The following EFHC2 variants were observed in gnomAD, a reference collection of about 807,000 sequenced individuals.
EFHC2 encodes the protein EF-hand domain containing 2, also known as EF-hand domain-containing family member C2.
EFHC2 carries 18 observed loss-of-function variants against 52.7 expected under a neutral mutation model. That is an observed-to-expected ratio of 0.34 (90% CI 0.24 to 0.51). The LOEUF (loss-of-function observed/expected upper bound fraction) is 0.51, where lower values mean the gene tolerates loss of function less well. EFHC2 is among the 20% of genes least tolerant of loss of function. EFHC2 has a pLI of 0.97. For synonymous variants in EFHC2, 203 were observed against 204.1 expected (o/e 0.99, Z 0.04); for missense variants, 513 against 562.5 (o/e 0.91, Z 0.89).
Position 44,308,892 on chromosome X carries a change from C to T in EFHC2, c.231+3676G>A, listed in dbSNP as rs1444310624. ...GAAACCAAATAAATCAAGCTATTAT[C>T]GCCTTGTGAGTACAAACAATGTTTA... On this transcript the variant is annotated intron_variant, in intron 2 of 14. Coordinates refer to ENST00000420999, the MANE Select transcript of EFHC2 (RefSeq NM_025184.4). Among the ~76,000 whole-genome samples the T allele has an allele frequency of 3.4e-4, 38 of 112,698 alleles. No individual in the cohort carries two copies. The Admixed American group carries it at 3.6e-3, about 11-fold the overall frequency.
intron 4 of EFHC2, among the ~76,000 whole-genome samples, chrX:44,258,585 T>G (rs1351499720): frequency 9.0e-6 from 1 of 111,330 alleles, no homozygotes; most frequent in Non-Finnish European, 1.9e-5. Flanking sequence ...AGATACCATC[T>G]CACGCCAGTT....
intron 11 of EFHC2, among the ~76,000 whole-genome samples, chrX:44,212,536 G>A (rs1360135314): frequency 1.8e-5 from 2 of 109,670 alleles, no homozygotes; most frequent in Non-Finnish European, 3.8e-5. Context: ...CCAGACATCC[G>A]GTCCCATCTA....
At chrX:44,161,703 T>G (rs748419730) in intron 14 of EFHC2, among the ~76,000 whole-genome samples, 1 of 111,737 alleles carries the variant, frequency 8.9e-6, no homozygotes, top group East Asian at 2.8e-4. Context: ...ACAGTCAATA[T>G]AGACTACTAG....
chrX:44,220,415 C>A (rs756155874), intron 11 of EFHC2, among the ~76,000 whole-genome samples: 1 of 111,912 alleles, frequency 8.9e-6, no homozygotes, highest in African/African-American at 3.2e-5. Flanking sequence ...CTCCAAAATT[C>A]TCTTTCCTTT....
chrX:44,313,095 C>CAAAAAAAAAA (rs1276344069), intron 1 of EFHC2, among the ~76,000 whole-genome samples: 1 of 50,059 alleles, frequency 2.0e-5, no homozygotes. Context: ...ATGCAAACAG[C>CAAAAAAAAAA]AAAAAAAAAA....
At chrX:44,265,534 G>C (rs1175525659) in intron 3 of EFHC2, among the ~76,000 whole-genome samples, 1 of 112,098 alleles carries the variant, frequency 8.9e-6, no homozygotes, top group African/African-American at 3.2e-5. Context: ...CTCACAAAGT[G>C]CTGGGATTAC....
rs1385396263 is a variant in EFHC2, at chrX:44,235,297, T to C, written c.1423+8A>G. 9 of 1,156,056 alleles carry C rather than the reference T, an allele frequency of 7.8e-6. No individual in the cohort carries two copies. Among genetic ancestry groups the C allele is most frequent in the Non-Finnish European group, 1.0e-5 (9 of 867,524 alleles). ...TCAAGAAAATACTGTGAAGAGTATA[T>C]CTCTTACCTGAATTCCTCTCTATAG... On this transcript the variant is annotated splice_region_variant and intron_variant, in intron 9 of 14. Transcript: ENST00000420999.
rs760013902 is a variant in EFHC2 at position 44,148,226 on chromosome X, C to CGTGTGTGTGT, written c.*568_*569insACACACACAC. On this transcript the variant is annotated 3_prime_UTR_variant, in exon 15 of 15. Transcript: ENST00000420999. The stretch of plus-strand genomic sequence containing the variant: ...TGCATATGTTTCCAGTGTGTGTGCA[C>CGTGTGTGTGT]GTGCGTGTGTGTGTGTGTGTGTGTG... 0.17 allele frequency: 15,643 copies of CGTGTGTGTGT among 94,493 alleles called. 1,112 individuals carry two copies. The highest frequency in any genetic ancestry group is 0.25 in the East Asian group (699 of 2,744). 7.8% of individuals were successfully genotyped at this position (94,493 alleles called of 1,213,427 possible).
At position 44,301,323 on chromosome X, in the gene EFHC2, T is replaced by TC. The variant is rs543307853; in HGVS notation, c.231+11244dup. Among the ~76,000 whole-genome samples, 138 of 104,175 alleles carry TC rather than the reference T, an allele frequency of 1.3e-3. 3 individuals are homozygous for TC. In the South Asian group the frequency reaches 0.037, roughly 28 times the overall value. 90.5% of individuals were successfully genotyped at this position (104,175 alleles called of 115,157 possible). A position where few individuals can be genotyped will look rare whatever the true frequency, so the allele number is the denominator to read the frequency against. On this transcript the variant is annotated intron_variant, in intron 2 of 14. Transcript: ENST00000420999. The stretch of plus-strand genomic sequence containing the variant: ...CAGCACTCCCCACTTTCCAACCCAC[T>TC]CCCCCCCCGACCAAATTATACTTAA...
intron 11 of EFHC2, among the ~76,000 whole-genome samples, chrX:44,181,024 G>A (rs919873567): frequency 9.1e-6 from 1 of 109,911 alleles, no homozygotes; most frequent in Non-Finnish European, 1.9e-5. Context: ...AAGTTTAGGA[G>A]TTTGAGGCTG....
At chrX:44,210,489 C>T (rs531923946) in intron 11 of EFHC2, among the ~76,000 whole-genome samples, 5 of 112,278 alleles carry the variant, frequency 4.5e-5, no homozygotes, top group African/African-American at 9.7e-5. Flanking sequence ...TGGACAAATA[C>T]GTCAATTGGA....
At chrX:44,335,970 CCA>C (rs893971797) in intron 1 of EFHC2, among the ~76,000 whole-genome samples, 6 of 107,670 alleles carry the variant, frequency 5.6e-5, no homozygotes, top group Non-Finnish European at 1.2e-4. Context: ...AGGAAACTCC[CCA>C]ATTAAATATG....
chrX:44,326,143 C>A (rs905104571), intron 1 of EFHC2, among the ~76,000 whole-genome samples: 1 of 110,001 alleles, frequency 9.1e-6, no homozygotes, highest in East Asian at 2.9e-4. Context: ...ATCTGCTCAC[C>A]TCAGCCTCCC....
intron 2 of EFHC2, chrX:44,309,247 T>C (rs17146911): frequency 0.13 from 65,702 of 489,030 alleles, 3,539 homozygotes; most frequent in African/African-American, 0.26. Flanking sequence ...TAGTTGATAA[T>C]ACTTCAGCTG....
chrX:44,161,331 T>A (rs754561637), intron 14 of EFHC2, among the ~76,000 whole-genome samples: 16 of 111,698 alleles, frequency 1.4e-4, no homozygotes, highest in African/African-American at 5.2e-4. Flanking sequence ...GAAAAACCAA[T>A]AGGGGCTAGT....
chrX:44,206,754 T>C (rs1256766023), intron 11 of EFHC2, among the ~76,000 whole-genome samples: 2 of 111,979 alleles, frequency 1.8e-5, no homozygotes, highest in Non-Finnish European at 3.8e-5. Flanking sequence ...ATTGTAAGAA[T>C]CAACATCATT....
intron 3 of EFHC2, among the ~76,000 whole-genome samples, chrX:44,270,891 C>T (rs980823104): frequency 8.1e-5 from 9 of 110,876 alleles, no homozygotes; most frequent in Non-Finnish European, 1.7e-4. Context: ...CTGTGGTTCT[C>T]CTTGCTTGAA....
chrX:44,216,403 T>C (rs1004882874), intron 11 of EFHC2, among the ~76,000 whole-genome samples: 3 of 111,940 alleles, frequency 2.7e-5, no homozygotes, highest in Admixed American at 9.5e-5. Context: ...GGCTTCTTCA[T>C]AGCATAGTAG....
chrX:44,177,163 G>A (rs182531314), intron 12 of EFHC2, among the ~76,000 whole-genome samples: 34 of 112,158 alleles, frequency 3.0e-4, no homozygotes, highest in African/African-American at 1.1e-3. Flanking sequence ...TCACTCTGGG[G>A]AAGGGGGCAA....
Sources: gnomAD v4.1 joint callset for allele counts (sites outside exome capture counted in the v4.1 genomes callset) on GRCh38, gnomAD v4.1.1 for gene constraint, MANE v1.5 for transcripts, NCBI Gene and HGNC (gene_info 2026-07-23, HGNC 2026-07-21) for gene names.